PDE10A: variants seen among roughly 807,000 people sequenced by gnomAD.
PDE10A encodes the protein cAMP and cAMP-inhibited cGMP 3',5'-cyclic phosphodiesterase 10A.
In PDE10A, 39 loss-of-function variants were observed where a neutral mutation model predicts 97.7. That is an observed-to-expected ratio of 0.40 (90% CI 0.31 to 0.52). The LOEUF is 0.52. PDE10A is among the 20% of genes least tolerant of loss of function. The pLI is 0.56. For missense variants in PDE10A, 731 were observed against 1,047.8 expected, an observed-to-expected ratio of 0.70 and a Z score of 4.17; for synonymous variants, 371 against 376.8, an observed-to-expected ratio of 0.98 and a Z score of 0.18.
In PDE10A at chr6:165,920,499, T is replaced by C. The variant is rs144780843; in HGVS notation, c.-615+67030A>G. ...CATTGGTCTTATACTGTGGCATAAATACTTTGAGTGACAATCAAGATGCTT... is the reference window on the plus strand; with the variant it reads ...CATTGGTCTTATACTGTGGCATAAACACTTTGAGTGACAATCAAGATGCTT... On this transcript the variant is annotated intron_variant, in intron 1 of 19. Transcript: ENST00000366882. 2.0e-5 allele frequency among the ~76,000 whole-genome samples: 3 copies of C among 152,112 alleles called. No individual in the cohort carries two copies. In the East Asian group the frequency reaches 5.8e-4, roughly 29 times the overall value.
intron 1 of PDE10A, among the ~76,000 whole-genome samples, chr6:165,851,453 C>A (rs1306246510): frequency 6.6e-6 from 1 of 152,202 alleles, no homozygotes; most frequent in African/African-American, 2.4e-5. Flanking sequence ...ATTAACTGAG[C>A]ACATATTACG....
intron 1 of PDE10A, among the ~76,000 whole-genome samples, chr6:165,697,169 T>G (rs953966968): frequency 2.0e-5 from 3 of 152,106 alleles, no homozygotes; most frequent in African/African-American, 7.2e-5. Context: ...TCCAGGAAGC[T>G]TAATGAACCC....
intron 1 of PDE10A, among the ~76,000 whole-genome samples, chr6:165,850,295 C>A (rs375182349): frequency 4.6e-5 from 7 of 152,312 alleles, no homozygotes; most frequent in African/African-American, 1.7e-4. Context: ...GCAAAAGAGG[C>A]AAATAACGTC....
intron 10 of PDE10A, among the ~76,000 whole-genome samples, chr6:165,423,480 C>T (rs959620731): frequency 1.3e-5 from 2 of 152,184 alleles, no homozygotes; most frequent in Non-Finnish European, 2.9e-5. Context: ...CCCAGGATAA[C>T]ACTGTGCCAG....
At chr6:165,536,490 GCAAA>G (rs1291731343) in intron 2 of PDE10A, among the ~76,000 whole-genome samples, 2 of 151,056 alleles carry the variant, frequency 1.3e-5, no homozygotes, top group Non-Finnish European at 3.0e-5. Flanking sequence ...ACTTCTGCAA[GCAAA>G]CAAAGTGAAG....
At chr6:165,778,668 G>A (rs1688850543) in intron 1 of PDE10A, among the ~76,000 whole-genome samples, 2 of 152,176 alleles carry the variant, frequency 1.3e-5, no homozygotes, top group South Asian at 4.1e-4. Context: ...AATTTACTTT[G>A]CCATCAATAA....
intron 1 of PDE10A, chr6:165,576,541 TAAACAAAAACA>T: frequency 1.4e-6 from 1 of 726,432 alleles, no homozygotes; most frequent in Non-Finnish European, 2.5e-6. Context: ...CATTAGCTTC[TAAACAAAAACA>T]AAACAAAAAA....
At chr6:165,616,966 T>C (rs912312431) in intron 1 of PDE10A, among the ~76,000 whole-genome samples, 1 of 152,236 alleles carries the variant, frequency 6.6e-6, no homozygotes, top group Non-Finnish European at 1.5e-5. Context: ...AATGAGTCAA[T>C]GCTATTTACT....
At chr6:165,906,261 G>A (rs369407156) in intron 1 of PDE10A, among the ~76,000 whole-genome samples, 3 of 151,182 alleles carry the variant, frequency 2.0e-5, no homozygotes, top group African/African-American at 7.3e-5. Flanking sequence ...GGGCGCAGTG[G>A]AAAGGAGGAA....
intron 1 of PDE10A, among the ~76,000 whole-genome samples, chr6:165,649,618 G>C (rs568002030): frequency 6.6e-4 from 100 of 152,246 alleles, no homozygotes; most frequent in South Asian, 4.2e-3. Context: ...CAAAGCTGCT[G>C]AGGAAGAGGT....
At chr6:165,607,577 C>G (rs1787271534) in intron 1 of PDE10A, among the ~76,000 whole-genome samples, 1 of 152,118 alleles carries the variant, frequency 6.6e-6, no homozygotes, top group African/African-American at 2.4e-5. Flanking sequence ...AGGACGTCAC[C>G]TAGTGATGCA....
rs116324344 is a variant in PDE10A at position 165,793,999 on chromosome 6, C to T, written c.-615+193530G>A. On this transcript the variant is annotated intron_variant, in intron 1 of 19. Coordinates refer to the PDE10A transcript ENST00000366882. Reference sequence around the variant, plus strand: ...AAAACCAGCCTCACAAAAATTAATGCCAGTCCAGTCTCAAAGCTAGTAGCA... The same window carrying T: ...AAAACCAGCCTCACAAAAATTAATGTCAGTCCAGTCTCAAAGCTAGTAGCA... Among the ~76,000 whole-genome samples the T allele has an allele frequency of 1.6e-3, 247 of 152,204 alleles. 1 individual carries two copies. The highest frequency in any genetic ancestry group is 5.6e-3 in the African/African-American group (232 of 41,536).
chr6:165,659,908 C>T (rs1790152471), intron 1 of PDE10A, among the ~76,000 whole-genome samples: 1 of 152,194 alleles, frequency 6.6e-6, no homozygotes, highest in Non-Finnish European at 1.5e-5. Flanking sequence ...GAGCCAACAG[C>T]AGTTTCAGCA....
chr6:165,841,591 C>G (rs1428120358), intron 1 of PDE10A, among the ~76,000 whole-genome samples: 2 of 152,260 alleles, frequency 1.3e-5, no homozygotes, highest in African/African-American at 4.8e-5. Flanking sequence ...GGCTGTGTCT[C>G]CCATCCCGGG....
At chr6:165,748,713 C>A (rs775728844) in intron 1 of PDE10A, among the ~76,000 whole-genome samples, 3 of 152,164 alleles carry the variant, frequency 2.0e-5, no homozygotes, top group Admixed American at 1.3e-4. Flanking sequence ...GAGCACAAGC[C>A]TCACAGCATA....
intron 18 of PDE10A, among the ~76,000 whole-genome samples, chr6:165,364,418 C>T (rs1327812059): frequency 1.3e-5 from 2 of 152,162 alleles, no homozygotes; most frequent in Non-Finnish European, 2.9e-5. Context: ...TAGCTTGATT[C>T]TGGAATACTC....
chr6:165,837,779 A>G (rs1780107771), intron 1 of PDE10A, among the ~76,000 whole-genome samples: 3 of 143,574 alleles, frequency 2.1e-5, no homozygotes, highest in South Asian at 4.4e-4. Flanking sequence ...TCCGCCTCCC[A>G]GGTTCATGCC....
chr6:165,381,266 G>A (rs1414132260), intron 17 of PDE10A, among the ~76,000 whole-genome samples: 1 of 152,150 alleles, frequency 6.6e-6, no homozygotes, highest in Non-Finnish European at 1.5e-5. Flanking sequence ...TCCCAAAAGT[G>A]TCGACTGTCC....
At chr6:165,576,167 A>C (rs1331881606) in intron 1 of PDE10A, among the ~76,000 whole-genome samples, 1 of 152,238 alleles carries the variant, frequency 6.6e-6, no homozygotes, top group African/African-American at 2.4e-5. Flanking sequence ...CATTAAAACT[A>C]ACCCATCCAG....
Sources: allele counts gnomAD v4.1 joint callset (sites outside exome capture counted in the v4.1 genomes callset), GRCh38; gene constraint gnomAD v4.1.1; transcripts MANE v1.5; gene names NCBI Gene and HGNC (gene_info 2026-07-23, HGNC 2026-07-21).